Variants in BACH1 observed in about 807,000 individuals in gnomAD.
BACH1 encodes BTB domain and CNC homolog 1, also known as transcription regulator protein BACH1.
BACH1 carries 35 observed loss-of-function variants against 52.9 expected under a neutral mutation model. The observed-to-expected ratio is 0.66, with a 90% CI of 0.51 to 0.88. The LOEUF (loss-of-function observed/expected upper bound fraction) is 0.88. BACH1 is among the 40% of genes least tolerant of loss of function. The pLI, the probability that BACH1 is intolerant of heterozygous loss-of-function variation, is 0.00. For missense variants in BACH1, 808 were observed against 872.6 expected (o/e 0.93, Z 0.93); for synonymous variants, 321 against 319.6 (o/e 1.00, Z -0.05).
intron 1 of BACH1, among the ~76,000 whole-genome samples, chr21:29,310,617 C>G (rs2088710093): frequency 6.6e-6 from 1 of 152,204 alleles, no homozygotes; most frequent in Admixed American, 6.5e-5. Context: ...ATGTGTTCAC[C>G]TAGGGAGTGT....
downstream of BACH1, among the ~76,000 whole-genome samples, chr21:29,347,993 A>G (rs1428338578): frequency 6.6e-6 from 1 of 152,194 alleles, no homozygotes; most frequent in African/African-American, 2.4e-5. Flanking sequence ...AAAAAAATTC[A>G]AAGATTAAGT....
intron 4 of BACH1, among the ~76,000 whole-genome samples, chr21:29,332,884 G>A (rs565490374): frequency 1.1e-4 from 17 of 152,310 alleles, no homozygotes; most frequent in Admixed American, 3.3e-4. Context: ...GGCAGGCACA[G>A]CAGACATCTG....
At chr21:29,329,338 AGATTG>A in intron 3 of BACH1, 144 bp from the exon 4 acceptor site, 1 of 483,350 alleles carries the variant, frequency 2.1e-6, no homozygotes, top group South Asian at 6.4e-5. Context: ...TATCCTTTTG[AGATTG>A]TATAGAAATT....
At chr21:29,319,315 G>C (rs2088822476) in intron 1 of BACH1, among the ~76,000 whole-genome samples, 1 of 152,134 alleles carries the variant, frequency 6.6e-6, no homozygotes, top group Non-Finnish European at 1.5e-5. Flanking sequence ...CTTAAGAGAA[G>C]GTATTGGATC....
downstream of BACH1, among the ~76,000 whole-genome samples, chr21:29,350,604 G>A (rs1392618483): frequency 3.3e-5 from 5 of 152,216 alleles, no homozygotes; most frequent in South Asian, 8.3e-4. Context: ...GTGTGGAGGC[G>A]TAGAGTGCTA....
chr21:29,304,340 G>T (rs2088632624), intron 1 of BACH1, among the ~76,000 whole-genome samples: 1 of 152,024 alleles, frequency 6.6e-6, no homozygotes, highest in Non-Finnish European at 1.5e-5. Context: ...GGCCAGGCTG[G>T]TCTCGAACTC....
chr21:29,304,129 CTT>C (rs398040580), intron 1 of BACH1, among the ~76,000 whole-genome samples: 7 of 136,858 alleles, frequency 5.1e-5, no homozygotes, highest in African/African-American at 8.1e-5. Flanking sequence ...TTTTTTTTTT[CTT>C]TTTTTTTTTT....
intron 2 of BACH1, chr21:29,361,778 T>C (rs1371672519): frequency 2.0e-5 from 3 of 152,234 alleles, no homozygotes; most frequent in Admixed American, 6.5e-5. Context: ...TACATAACTT[T>C]ACTATGGAGC....
intron 4 of BACH1, 35 bp from the exon 5 acceptor site, chr21:29,342,364 C>G (rs1428984973): frequency 3.7e-5 from 59 of 1,576,326 alleles, no homozygotes; most frequent in Non-Finnish European, 5.1e-5. Context: ...AGCTAATAAA[C>G]ACAAGCCATT....
intron 3 of BACH1, among the ~76,000 whole-genome samples, chr21:29,327,864 G>A (rs1482164892): frequency 6.6e-6 from 1 of 152,196 alleles, no homozygotes; most frequent in East Asian, 1.9e-4. Context: ...AAAAGAGAGA[G>A]ATGAAGTTTG....
At chr21:29,334,659 C>T (rs912292641) in intron 4 of BACH1, among the ~76,000 whole-genome samples, 1 of 152,122 alleles carries the variant, frequency 6.6e-6, no homozygotes, top group Non-Finnish European at 1.5e-5. Flanking sequence ...ATATTGTTTT[C>T]GATATCAACT....
At chr21:29,310,773 T>G (rs993567864) in intron 1 of BACH1, among the ~76,000 whole-genome samples, 2 of 152,254 alleles carry the variant, frequency 1.3e-5, no homozygotes, top group East Asian at 1.9e-4. Context: ...TGGAAGCTGT[T>G]GAGCTTCACT....
chr21:29,324,850 G>A (rs921627131), intron 2 of BACH1, among the ~76,000 whole-genome samples: 2 of 152,092 alleles, frequency 1.3e-5, no homozygotes, highest in South Asian at 2.1e-4. Flanking sequence ...TAGTTTATCG[G>A]CATTCTCATT....
At position 29,326,326 on chromosome 21, in the gene BACH1, G is replaced by T; in HGVS notation, c.502G>T (p.Asp168Tyr). ...SLLDQRDLETDEVEEFLENKN... is the reference protein window; with the variant it reads ...SLLDQRDLETYEVEEFLENKN... ...TTTGGACCAGAGGGATCTAGAAACT[G>T]ATGAAGTGGAGGAATTTCTGGAAAA... The change falls in exon 3 of 5, where the codon GAT becomes TAT. Residue 168 changes from aspartate (D) to tyrosine (Y), a missense_variant. By Grantham distance (160) the Asp-to-Tyr change is radical. Coordinates refer to ENST00000286800, the MANE Select transcript of BACH1 (RefSeq NM_001186.4). The T allele has an allele frequency of 6.2e-7, 1 of 1,614,230 alleles. No individual in the cohort carries two copies. Among genetic ancestry groups the T allele is most frequent in the South Asian group, 1.1e-5 (1 of 91,084 alleles).
intron 2 of BACH1, among the ~76,000 whole-genome samples, chr21:29,358,814 G>GAAAGAAAGAAGA (rs1555888598): frequency 9.2e-6 from 1 of 108,202 alleles, no homozygotes; most frequent in Non-Finnish European, 2.2e-5. Context: ...AAGAAAGAAA[G>GAAAGAAAGAAGA]AAGAAAGAAA....
intron 1 of BACH1, among the ~76,000 whole-genome samples, chr21:29,315,064 A>G (rs1237160174): frequency 6.6e-6 from 1 of 152,018 alleles, no homozygotes; most frequent in Non-Finnish European, 1.5e-5. Context: ...TTACAGAATG[A>G]TGAAAAGCCA....
chr21:29,314,806 C>T (rs1229239913), intron 1 of BACH1, among the ~76,000 whole-genome samples: 1 of 152,000 alleles, frequency 6.6e-6, no homozygotes, highest in East Asian at 1.9e-4. Flanking sequence ...TCCAATAATA[C>T]TTAAGGATTT....
At chr21:29,336,872 G>A (rs921177869) in intron 4 of BACH1, among the ~76,000 whole-genome samples, 8 of 151,878 alleles carry the variant, frequency 5.3e-5, no homozygotes, top group Non-Finnish European at 2.9e-5. Context: ...GGTTTTCATC[G>A]TGTTGGCCAG....
At chr21:29,301,711 C>T (rs1347882609) in intron 1 of BACH1, among the ~76,000 whole-genome samples, 2 of 152,196 alleles carry the variant, frequency 1.3e-5, no homozygotes, top group Non-Finnish European at 2.9e-5. Context: ...AGATAATCTA[C>T]ACATTGGAGT....
Sources: gnomAD v4.1 joint callset for allele counts (sites outside exome capture counted in the v4.1 genomes callset) on GRCh38, gnomAD v4.1.1 for gene constraint, MANE v1.5 for transcripts, NCBI Gene and HGNC (gene_info 2026-07-23, HGNC 2026-07-21) for gene names.